NPIPA1: variants seen among roughly 807,000 people sequenced by gnomAD.
NPIPA1 encodes nuclear pore complex interacting protein family member A1.
For missense variants in NPIPA1, 22 were observed against 232.2 expected, an observed-to-expected ratio of 0.09 and a Z score of 5.88; for synonymous variants, 7 against 88.0, an observed-to-expected ratio of 0.08 and a Z score of 5.15.
chr16:14,938,709 A>C (rs1400568689), intron 1 of NPIPA1, among the ~76,000 whole-genome samples: 1 of 151,090 alleles, frequency 6.6e-6, no homozygotes, highest in Non-Finnish European at 1.5e-5. Flanking sequence ...ACAAAGTGAA[A>C]TGTCATTTGA....
intron 1 of NPIPA1, chr16:14,941,552 C>A (rs1965755614): frequency 8.4e-6 from 1 of 119,608 alleles, no homozygotes; most frequent in African/African-American, 3.7e-5. Flanking sequence ...GCAGGGAAGT[C>A]AAAAGATTGG....
chr16:14,946,394 G>T, intron 4 of NPIPA1, among the ~76,000 whole-genome samples: 1 of 145,210 alleles, frequency 6.9e-6, no homozygotes, highest in Non-Finnish European at 1.5e-5. Context: ...GCTAATTTTT[G>T]TATTTTTACT....
At chr16:14,945,336 A>G (rs1258922236) in intron 2 of NPIPA1, among the ~76,000 whole-genome samples, 7 of 140,456 alleles carry the variant, frequency 5.0e-5, no homozygotes, top group East Asian at 2.4e-4. Flanking sequence ...TGCAACCTCC[A>G]CCTCCCAGCT....
intron 2 of NPIPA1, among the ~76,000 whole-genome samples, chr16:14,944,513 CAT>C (rs1319216279): frequency 6.6e-6 from 1 of 150,866 alleles, no homozygotes; most frequent in Admixed American, 6.6e-5. Context: ...AGTTGTGAAA[CAT>C]GTTAACCTGT....
Position 14,944,976 on chromosome 16 carries a change from A to T in NPIPA1, c.193-598A>T, listed in dbSNP as rs1326525879. Among the ~76,000 whole-genome samples the T allele has an allele frequency of 2.7e-5, 4 of 149,586 alleles. No homozygotes were observed. The East Asian group carries it at 8.5e-4, about 32-fold the overall frequency. ...GCCCATGTTGGAGTGCAATGGCACA[A>T]TCTCAGCTCAACACAACCTTTTCCT... On this transcript the variant is annotated intron_variant, in intron 2 of 7. Coordinates refer to ENST00000328085, the MANE Select transcript of NPIPA1 (RefSeq NM_006985.4).
At chr16:14,946,874 T>C (rs1965900446) in intron 4 of NPIPA1, among the ~76,000 whole-genome samples, 2 of 152,150 alleles carry the variant, frequency 1.3e-5, no homozygotes, top group Non-Finnish European at 2.9e-5. Context: ...TTTGTATTTT[T>C]AGTAGAGGCG....
Position 14,951,626 on chromosome 16 carries a change from G to C in NPIPA1, c.654G>C (p.Ala218=). The change falls in exon 8 of 8, where the codon GCG becomes GCC. Residue 218 remains alanine, a synonymous_variant. Coordinates refer to ENST00000328085, the MANE Select transcript of NPIPA1 (RefSeq NM_006985.4). ...RKPLCNRVRM[A]AVEHRHSSGL... is the part of the protein sequence containing the mutation. ...CTTTGGCCCTACAGGTCAGAATGGCGGCAGTGGAGCATCGTCATTCTTCAG... is the reference window on the plus strand; with the variant it reads ...CTTTGGCCCTACAGGTCAGAATGGCCGCAGTGGAGCATCGTCATTCTTCAG... The C allele has an allele frequency of 6.5e-7, 1 of 1,548,540 alleles. No homozygotes were observed. Among genetic ancestry groups the C allele is most frequent in the Non-Finnish European group, 8.6e-7 (1 of 1,157,476 alleles).
At chr16:14,944,868 TG>T (rs1317263729) in intron 2 of NPIPA1, among the ~76,000 whole-genome samples, 1 of 151,534 alleles carries the variant, frequency 6.6e-6, no homozygotes, top group Admixed American at 6.6e-5. Context: ...CCTCCCAAAG[TG>T]CTGGGATTAC....
At chr16:14,943,435 C>A (rs1447880493) in intron 2 of NPIPA1, among the ~76,000 whole-genome samples, 1 of 147,854 alleles carries the variant, frequency 6.8e-6, no homozygotes, top group African/African-American at 2.5e-5. Flanking sequence ...GGATTACAAG[C>A]GTGAGCCACC....
chr16:14,940,474 C>T (rs1276781272), intron 1 of NPIPA1, among the ~76,000 whole-genome samples: 591 of 148,822 alleles, frequency 4.0e-3, no homozygotes, highest in Non-Finnish European at 6.4e-3. Context: ...TTTGGGAGGC[C>T]GAGGCAGGTG....
intron 1 of NPIPA1, chr16:14,941,572 C>G (rs1965756132): frequency 1.0e-5 from 1 of 97,858 alleles, no homozygotes; most frequent in Non-Finnish European, 1.8e-5. Context: ...GATATCCCTG[C>G]TTTATACCAA....
At chr16:14,945,233 T>TGTGTGC (rs1965856431) in intron 2 of NPIPA1, among the ~76,000 whole-genome samples, 3 of 142,342 alleles carry the variant, frequency 2.1e-5, no homozygotes, top group Non-Finnish European at 4.6e-5. Flanking sequence ...GTGTGGTGTG[T>TGTGTGC]GTGTGTGTGT....
intron 1 of NPIPA1, among the ~76,000 whole-genome samples, chr16:14,941,217 C>G (rs1363770553): frequency 6.7e-6 from 1 of 150,020 alleles, no homozygotes; most frequent in Non-Finnish European, 1.5e-5. Context: ...GCAGGCAGAT[C>G]GCCTGTCAGG....
intron 1 of NPIPA1, among the ~76,000 whole-genome samples, chr16:14,940,755 C>G (rs1458767746): frequency 8.8e-6 from 1 of 113,540 alleles, no homozygotes; most frequent in African/African-American, 3.4e-5. Context: ...GCTTGTCTTA[C>G]CCATGAGTGA....
chr16:14,943,986 T>TA (rs1965816297), intron 2 of NPIPA1, among the ~76,000 whole-genome samples: 2 of 152,112 alleles, frequency 1.3e-5, no homozygotes, highest in African/African-American at 2.4e-5. Context: ...CCATCTCTAC[T>TA]AAAAAGACAA....
chr16:14,938,366 G>A (rs1209383128), intron 1 of NPIPA1: 1 of 1,300,030 alleles, frequency 7.7e-7, no homozygotes. Flanking sequence ...TGTGTGAGTA[G>A]ACGCTGGACC....
Position 14,950,660 on chromosome 16 carries a change from G to A in NPIPA1, c.642+405G>A, listed in dbSNP as rs183111517. 260 of 1,182,930 alleles carry A rather than the reference G, an allele frequency of 2.2e-4. 10 individuals are homozygous for A. The African/African-American group carries it at 3.7e-3, about 17-fold the overall frequency. 73.3% of individuals were successfully genotyped at this position (1,182,930 alleles called of 1,614,324 possible). A position where few individuals can be genotyped will look rare whatever the true frequency, so the allele number is the denominator to read the frequency against. The stretch of plus-strand genomic sequence containing the variant: ...CCTATGATTGCACGCGATGGGACTT[G>A]TACACTTGAAATGAAACACAGTTTT... On this transcript the variant is annotated intron_variant, in intron 7 of 7. Transcript: ENST00000328085.
chr16:14,944,221 G>A (rs1480463076), intron 2 of NPIPA1, among the ~76,000 whole-genome samples: 1 of 152,180 alleles, frequency 6.6e-6, no homozygotes, highest in Non-Finnish European at 1.5e-5. Context: ...GATTTGCATT[G>A]CATTTTAGCT....
intron 1 of NPIPA1, among the ~76,000 whole-genome samples, chr16:14,938,844 T>C (rs1160379851): frequency 6.6e-6 from 1 of 151,628 alleles, no homozygotes; most frequent in Non-Finnish European, 1.5e-5. Context: ...GTTCAAGCAA[T>C]TGTCCTGCCT....
Sources: gnomAD v4.1 joint callset for allele counts (sites outside exome capture counted in the v4.1 genomes callset) on GRCh38, gnomAD v4.1.1 for gene constraint, MANE v1.5 for transcripts, NCBI Gene and HGNC (gene_info 2026-07-23, HGNC 2026-07-21) for gene names.